Variants in NAALADL2 observed in about 807,000 individuals in gnomAD.
NAALADL2 encodes inactive N-acetylated-alpha-linked acidic dipeptidase-like protein 2.
NAALADL2 carries 76 observed loss-of-function variants against 87.2 expected under a neutral mutation model. The observed-to-expected ratio is 0.87, with a 90% CI of 0.72 to 1.05. NAALADL2 has a LOEUF of 1.05. Ranked by LOEUF, NAALADL2 falls within the 50% of genes least tolerant of loss-of-function variation. The pLI, the probability that NAALADL2 is intolerant of heterozygous loss-of-function variation, is 0.00. For synonymous variants in NAALADL2, 354 were observed against 331.0 expected (o/e 1.07, Z -0.75); for missense variants, 1,089 against 945.8 (o/e 1.15, Z -1.99).
chr3:174,699,631 C>T (rs1729365682), intron 2 of NAALADL2, among the ~76,000 whole-genome samples: 2 of 151,870 alleles, frequency 1.3e-5, no homozygotes, highest in Admixed American at 1.3e-4. Flanking sequence ...GTTGCTAGTT[C>T]TTATTTATGA....
At chr3:174,562,214 T>A (rs1006511940) in intron 2 of NAALADL2, among the ~76,000 whole-genome samples, 4 of 152,174 alleles carry the variant, frequency 2.6e-5, no homozygotes, top group Non-Finnish European at 5.9e-5. Context: ...CTATTAGGCA[T>A]TATAGGAAGA....
chr3:174,821,227 G>A (rs1203404571), intron 3 of NAALADL2, among the ~76,000 whole-genome samples: 2 of 151,962 alleles, frequency 1.3e-5, no homozygotes, highest in African/African-American at 4.8e-5. Context: ...GGAATTTTAG[G>A]TATTAAGCCT....
chr3:174,875,560 T>C (rs1431625895), intron 1 of NAALADL2, among the ~76,000 whole-genome samples: 1 of 152,194 alleles, frequency 6.6e-6, no homozygotes, highest in Admixed American at 6.5e-5. Context: ...TCTAAAGTTC[T>C]TTCTATATTT....
intron 2 of NAALADL2, among the ~76,000 whole-genome samples, chr3:175,127,026 G>T (rs1414058488): frequency 6.6e-6 from 1 of 151,974 alleles, no homozygotes; most frequent in Admixed American, 6.6e-5. Flanking sequence ...AGGTGAATCT[G>T]CTGAAATCGC....
At chr3:175,264,146 A>G (rs1461246) in intron 4 of NAALADL2, among the ~76,000 whole-genome samples, 63,608 of 151,628 alleles carry the variant, frequency 0.42, 14,200 homozygotes, top group African/African-American at 0.55. Flanking sequence ...TGGGAGAAAC[A>G]AGCTCAATTT....
chr3:175,122,519 A>C, intron 2 of NAALADL2, among the ~76,000 whole-genome samples: 1 of 151,880 alleles, frequency 6.6e-6, no homozygotes, highest in East Asian at 1.9e-4. Flanking sequence ...AAGATAACTT[A>C]TTGGCATATC....
At chr3:175,732,750 A>G (rs1343534106) in intron 11 of NAALADL2, among the ~76,000 whole-genome samples, 2 of 152,102 alleles carry the variant, frequency 1.3e-5, no homozygotes, top group African/African-American at 2.4e-5. Flanking sequence ...TCAGCACCCC[A>G]ACATTGGGGA....
chr3:175,053,460 T>G (rs544631644), intron 1 of NAALADL2, among the ~76,000 whole-genome samples: 2 of 152,300 alleles, frequency 1.3e-5, no homozygotes, highest in Admixed American at 1.3e-4. Flanking sequence ...CTCCTCAGCA[T>G]CAGCCTCAGC....
intron 11 of NAALADL2, among the ~76,000 whole-genome samples, chr3:175,686,888 C>T (rs183943608): frequency 2.0e-5 from 3 of 152,252 alleles, no homozygotes; most frequent in Admixed American, 2.0e-4. Flanking sequence ...ATAGTGTTTG[C>T]TATGAACAAG....
intron 2 of NAALADL2, among the ~76,000 whole-genome samples, chr3:174,683,592 T>A (rs547544459): frequency 6.6e-6 from 1 of 151,616 alleles, no homozygotes; most frequent in East Asian, 1.9e-4. Context: ...GATAAGCAGA[T>A]TTTAGGTAGA....
chr3:175,697,881 A>G (rs1181606792), intron 11 of NAALADL2, among the ~76,000 whole-genome samples: 1 of 100,408 alleles, frequency 1.0e-5, no homozygotes, highest in African/African-American at 4.2e-5. Flanking sequence ...ATACATATAT[A>G]TGTGTATATA....
chr3:175,619,331 C>A lies in NAALADL2; in HGVS notation c.1801-7960C>A, dbSNP rs141687634. On this transcript the variant is annotated intron_variant, in intron 10 of 13. Transcript: ENST00000454872. Reference sequence around the variant, plus strand: ...AGAAAAAGTAAGAAAGAAAGAAAAGCAAAGCAAAGAAAGAATGAATCCCAG... The same window carrying A: ...AGAAAAAGTAAGAAAGAAAGAAAAGAAAAGCAAAGAAAGAATGAATCCCAG... Among the ~76,000 whole-genome samples, 87 of 151,658 alleles carry A rather than the reference C, an allele frequency of 5.7e-4. 1 individual carries two copies. The highest frequency in any genetic ancestry group is 1.7e-3 in the African/African-American group (70 of 41,358).
At chr3:175,704,944 T>C (rs1439198167) in intron 11 of NAALADL2, among the ~76,000 whole-genome samples, 2 of 152,210 alleles carry the variant, frequency 1.3e-5, no homozygotes, top group Non-Finnish European at 2.9e-5. Flanking sequence ...TGAGCAATTC[T>C]ACCTCAGAAA....
intron 9 of NAALADL2, among the ~76,000 whole-genome samples, chr3:175,516,840 G>A (rs981929011): frequency 1.3e-5 from 2 of 152,192 alleles, no homozygotes; most frequent in East Asian, 3.9e-4. Context: ...ACTTGTTAGT[G>A]TCACTTCTGT....
At chr3:174,700,997 G>C (rs1729496858) in intron 2 of NAALADL2, among the ~76,000 whole-genome samples, 1 of 152,088 alleles carries the variant, frequency 6.6e-6, no homozygotes, top group Non-Finnish European at 1.5e-5. Flanking sequence ...CCACTGTTAA[G>C]AGTGTTAAGA....
intron 1 of NAALADL2, among the ~76,000 whole-genome samples, chr3:174,448,774 G>C (rs924604996): frequency 6.6e-6 from 1 of 152,142 alleles, no homozygotes; most frequent in African/African-American, 2.4e-5. Flanking sequence ...AAGTTGGTCA[G>C]CAGGAAGCAG....
intron 1 of NAALADL2, among the ~76,000 whole-genome samples, chr3:174,977,681 C>T (rs1744545959): frequency 6.6e-6 from 1 of 152,074 alleles, no homozygotes; most frequent in Admixed American, 6.6e-5. Context: ...AGGATGGAAC[C>T]CCAGGGGATC....
At chr3:174,510,301 A>T (rs1719515282) in intron 1 of NAALADL2, among the ~76,000 whole-genome samples, 1 of 152,016 alleles carries the variant, frequency 6.6e-6, no homozygotes, top group Admixed American at 6.5e-5. Context: ...TTTATGTTGA[A>T]TCAATTTATT....
intron 3 of NAALADL2, among the ~76,000 whole-genome samples, chr3:174,796,819 T>G (rs1371366985): frequency 6.6e-6 from 1 of 152,116 alleles, no homozygotes; most frequent in African/African-American, 2.4e-5. Flanking sequence ...TGTCCACTTT[T>G]TAATGGGATT....
Sources: gnomAD v4.1 joint callset for allele counts (sites outside exome capture counted in the v4.1 genomes callset) on GRCh38, gnomAD v4.1.1 for gene constraint, MANE v1.5 for transcripts, NCBI Gene and HGNC (gene_info 2026-07-23, HGNC 2026-07-21) for gene names.